The following ESR1 variants were observed in gnomAD, a reference collection of about 807,000 sequenced individuals.
The protein encoded by ESR1 is estrogen receptor 1.
A neutral mutation model predicts 52.7 loss-of-function variants in ESR1; 12 were observed. The ratio of observed to expected loss-of-function variants is 0.23; its 90% CI spans 0.15 to 0.37. The LOEUF (loss-of-function observed/expected upper bound fraction) is 0.37. Ranked by LOEUF, ESR1 falls within the 10% of genes least tolerant of loss-of-function variation. The pLI, the probability that ESR1 is intolerant of heterozygous loss-of-function variation, is 1.00. For missense variants in ESR1, 584 were observed against 779.7 expected (o/e 0.75, Z 2.99); for synonymous variants, 305 against 316.8 (o/e 0.96, Z 0.39).
chr6:152,070,403 C>T (rs1256312692), intron 6 of ESR1, among the ~76,000 whole-genome samples: 1 of 137,606 alleles, frequency 7.3e-6, no homozygotes, highest in Non-Finnish European at 1.5e-5. Flanking sequence ...AACAAAATTC[C>T]ATTTATTTCC....
Position 152,002,368 on chromosome 6 carries a change from T to A in ESR1, c.1097-9288T>A, listed in dbSNP as rs2042026989. 2.0e-5 allele frequency among the ~76,000 whole-genome samples: 3 copies of A among 152,026 alleles called. No individual in the cohort carries two copies. The South Asian group carries it at 6.2e-4, about 31-fold the overall frequency. The stretch of plus-strand genomic sequence containing the variant: ...GAGACCGTCTACTTCCCTCGTAGTT[T>A]TTGTTTTGAAGACATTTGTAGTGTT... On this transcript the variant is annotated intron_variant, in intron 4 of 7. Coordinates refer to ENST00000206249, the MANE Select transcript of ESR1 (RefSeq NM_000125.4).
At chr6:151,750,139 A>C (rs1191796524) in intron 2 of ESR1, among the ~76,000 whole-genome samples, 2 of 152,302 alleles carry the variant, frequency 1.3e-5, no homozygotes, top group Non-Finnish European at 2.9e-5. Flanking sequence ...TTAGTTTTTA[A>C]TGTAGATTCA....
chr6:152,027,724 CA>C (rs775988578), intron 5 of ESR1, among the ~76,000 whole-genome samples: 6 of 152,124 alleles, frequency 3.9e-5, no homozygotes, highest in Non-Finnish European at 7.4e-5. Flanking sequence ...ACATAAATTG[CA>C]ATACTTTTAT....
rs1292789960 is a variant in ESR1, at chr6:151,899,343, C to T, written c.760+18572C>T. ...CTCCCGGACGGGGCGGCTGGCCAGG[C>T]GGGGGGCTGACCCCCCCACCTCCTT... On this transcript the variant is annotated intron_variant, in intron 3 of 7. Transcript: ENST00000206249. 1.2e-4 allele frequency among the ~76,000 whole-genome samples: 13 copies of T among 111,220 alleles called. No homozygotes were observed. In the East Asian group the frequency reaches 1.8e-3, roughly 16 times the overall value. 73.0% of individuals were successfully genotyped at this position (111,220 alleles called of 152,430 possible).
intron 2 of ESR1, among the ~76,000 whole-genome samples, chr6:151,796,331 ATG>A (rs373778724): frequency 1.3e-5 from 2 of 152,142 alleles, no homozygotes; most frequent in African/African-American, 2.4e-5. Context: ...GTGTGGAAGA[ATG>A]TGTGTGTGTG....
chr6:152,105,974 T>C (rs1265492258), downstream of ESR1, among the ~76,000 whole-genome samples: 13 of 149,592 alleles, frequency 8.7e-5, no homozygotes, highest in Non-Finnish European at 1.8e-4. Context: ...TTTTTTTTTT[T>C]AGTAGAGACG....
At chr6:151,682,588 A>G (rs1204207571) in intron 1 of ESR1, among the ~76,000 whole-genome samples, 1 of 152,238 alleles carries the variant, frequency 6.6e-6, no homozygotes, top group East Asian at 1.9e-4. Flanking sequence ...AAAGGGGGCT[A>G]ATTTGAAAAG....
intron 2 of ESR1, among the ~76,000 whole-genome samples, chr6:151,744,354 G>C (rs542126691): frequency 8.5e-5 from 13 of 152,216 alleles, no homozygotes; most frequent in East Asian, 3.9e-4. Context: ...AATGCATGAG[G>C]GTTCAATTTC....
intron 1 of ESR1, among the ~76,000 whole-genome samples, chr6:151,836,326 C>T (rs762735171): frequency 9.2e-5 from 14 of 152,072 alleles, no homozygotes; most frequent in South Asian, 2.1e-4. Context: ...GTTGGGGAGG[C>T]CTCACAATCA....
intron 1 of ESR1, among the ~76,000 whole-genome samples, chr6:151,672,790 T>C (rs144061077): frequency 6.7e-6 from 1 of 149,560 alleles, no homozygotes; most frequent in East Asian, 2.0e-4. Context: ...TTTTTAAAAA[T>C]ATGTTTTAAC....
At chr6:151,742,371 C>G (rs1017297472) in intron 2 of ESR1, among the ~76,000 whole-genome samples, 1 of 151,940 alleles carries the variant, frequency 6.6e-6, no homozygotes, top group African/African-American at 2.4e-5. Flanking sequence ...TACACTGCCA[C>G]CAACAGGGTA....
intron 5 of ESR1, among the ~76,000 whole-genome samples, chr6:152,020,190 T>A (rs951227648): frequency 2.6e-5 from 4 of 152,214 alleles, no homozygotes; most frequent in African/African-American, 9.7e-5. Context: ...TTCTTGACAT[T>A]GCCATGCAGA....
Position 152,100,772 on chromosome 6 carries a change from CAA to C in ESR1, c.*1820_*1821del, listed in dbSNP as rs71017521. The C allele has an allele frequency of 0.012, 2,327 of 189,618 alleles. No individual in the cohort carries two copies. Among genetic ancestry groups the C allele is most frequent in the East Asian group, 0.02 (265 of 12,980 alleles). 11.7% of individuals were successfully genotyped at this position (189,618 alleles called of 1,614,324 possible). A position where few individuals can be genotyped will look rare whatever the true frequency, so the allele number is the denominator to read the frequency against. ...CCAAAGGACTGAGAATCTGGGAGGG[CAA>C]AAAAAAAAAAAAAGTTTTTATGTGC... On this transcript the variant is annotated 3_prime_UTR_variant, in exon 8 of 8. Coordinates refer to ENST00000206249, the MANE Select transcript of ESR1 (RefSeq NM_000125.4).
intron 3 of ESR1, among the ~76,000 whole-genome samples, chr6:151,891,159 T>G (rs572986303): frequency 6.6e-6 from 1 of 152,320 alleles, no homozygotes; most frequent in African/African-American, 2.4e-5. Flanking sequence ...TAATACTCAA[T>G]TTATTTGATT....
intron 2 of ESR1, among the ~76,000 whole-genome samples, chr6:151,736,081 C>T (rs1212070769): frequency 6.6e-6 from 1 of 152,144 alleles, no homozygotes; most frequent in African/African-American, 2.4e-5. Flanking sequence ...ATTACCCAGT[C>T]TCGGGTATTT....
At chr6:151,849,283 A>G (rs1014418551) in intron 2 of ESR1, among the ~76,000 whole-genome samples, 3 of 152,166 alleles carry the variant, frequency 2.0e-5, no homozygotes, top group African/African-American at 7.2e-5. Context: ...GTTTGTTGCT[A>G]TAGCTCCAGT....
chr6:151,869,514 A>C (rs1790571693), intron 2 of ESR1, among the ~76,000 whole-genome samples: 1 of 152,152 alleles, frequency 6.6e-6, no homozygotes, highest in Non-Finnish European at 1.5e-5. Context: ...CACTGATTTC[A>C]TTATGTTTTC....
chr6:152,019,340 G>T (rs2043432370), intron 5 of ESR1, among the ~76,000 whole-genome samples: 1 of 152,108 alleles, frequency 6.6e-6, no homozygotes, highest in Non-Finnish European at 1.5e-5. Context: ...AAGATTATCA[G>T]TCGTCAAAGT....
At chr6:151,957,596 G>A (rs545212261) in intron 4 of ESR1, among the ~76,000 whole-genome samples, 28 of 152,118 alleles carry the variant, frequency 1.8e-4, no homozygotes, top group African/African-American at 5.3e-4. Context: ...GCCAGTTTTC[G>A]GAGTTAATAC....
Sources: allele counts gnomAD v4.1 joint callset (sites outside exome capture counted in the v4.1 genomes callset), GRCh38; gene constraint gnomAD v4.1.1; transcripts MANE v1.5; gene names NCBI Gene and HGNC (gene_info 2026-07-23, HGNC 2026-07-21).